The following LMTK2 variants were observed in gnomAD, a reference collection of about 807,000 sequenced individuals.
LMTK2 encodes lemur tail kinase 2, also known as serine/threonine-protein kinase LMTK2.
LMTK2 carries 37 observed loss-of-function variants against 127.5 expected under a neutral mutation model. The ratio of observed to expected loss-of-function variants is 0.29; its 90% CI spans 0.22 to 0.38. The LOEUF (loss-of-function observed/expected upper bound fraction) is 0.38. Among genes scored for constraint, LMTK2 ranks in the 10% least tolerant of loss-of-function variants. The pLI is 1.00. For synonymous variants in LMTK2, 819 were observed against 810.1 expected (o/e 1.01, Z -0.19); for missense variants, 1,694 against 1,920.3 (o/e 0.88, Z 2.20).
chr7:98,187,854 C>T (rs570654092), intron 9 of LMTK2, among the ~76,000 whole-genome samples: 48 of 152,272 alleles, frequency 3.2e-4, no homozygotes, highest in African/African-American at 1.1e-3. Flanking sequence ...GCCTCGTCCT[C>T]CCAAAGTACT....
At position 98,107,287 on chromosome 7, in the gene LMTK2, G is replaced by T. The variant is rs1023958293; in HGVS notation, c.103+7G>T. ...CTTCCGCAAACAGGTGCAGGTGAGC[G>T]GGCCCGCGGCGGGGACGGGGCTGCG... On this transcript the variant is annotated splice_region_variant and intron_variant, in intron 1 of 13. Coordinates refer to ENST00000297293, the MANE Select transcript of LMTK2 (RefSeq NM_014916.4). 5 of 1,349,888 alleles carry T rather than the reference G, an allele frequency of 3.7e-6. No homozygotes were observed. Among genetic ancestry groups the T allele is most frequent in the Middle Eastern group, 2.7e-4 (1 of 3,712 alleles). The allele number at this position is 1,349,888 out of a possible 1,614,324, so 83.6% of individuals were successfully genotyped here.
At chr7:98,199,178 G>A (rs1447297165) in intron 11 of LMTK2, among the ~76,000 whole-genome samples, 3 of 152,176 alleles carry the variant, frequency 2.0e-5, no homozygotes, top group Non-Finnish European at 4.4e-5. Context: ...CTGAAAGAGT[G>A]TGTATTTTGG....
chr7:98,139,553 C>T (rs921879094), intron 2 of LMTK2, among the ~76,000 whole-genome samples: 1 of 152,196 alleles, frequency 6.6e-6, no homozygotes, highest in Non-Finnish European at 1.5e-5. Context: ...AATCATTTTA[C>T]AGAGAGAGCC....
intron 1 of LMTK2, among the ~76,000 whole-genome samples, chr7:98,108,092 G>C (rs1393181673): frequency 1.3e-5 from 2 of 152,178 alleles, no homozygotes; most frequent in Admixed American, 1.3e-4. Context: ...CATTACCTTT[G>C]AAATGGGGAA....
intron 2 of LMTK2, among the ~76,000 whole-genome samples, chr7:98,137,830 G>A (rs1796616379): frequency 6.6e-6 from 1 of 152,214 alleles, no homozygotes; most frequent in African/African-American, 2.4e-5. Context: ...TGAATTCACT[G>A]TTGTCCGTAA....
intron 1 of LMTK2, among the ~76,000 whole-genome samples, chr7:98,113,580 G>T (rs1304950106): frequency 6.6e-6 from 1 of 152,078 alleles, no homozygotes; most frequent in African/African-American, 2.4e-5. Context: ...TTAAAATCAT[G>T]TGCTTTTATA....
chr7:98,189,441 C>T (rs1259929661), intron 9 of LMTK2, among the ~76,000 whole-genome samples: 6 of 151,992 alleles, frequency 3.9e-5, no homozygotes, highest in East Asian at 1.9e-4. Flanking sequence ...TGGGGCGTGT[C>T]GTGGAGGGTT....
At chr7:98,184,580 C>T (rs1293977439) in intron 7 of LMTK2, among the ~76,000 whole-genome samples, 13 of 152,092 alleles carry the variant, frequency 8.5e-5, no homozygotes. Flanking sequence ...CATTGTACAT[C>T]TTACATGTGT....
At chr7:98,200,744 A>G (rs1797693572) in intron 11 of LMTK2, among the ~76,000 whole-genome samples, 1 of 152,210 alleles carries the variant, frequency 6.6e-6, no homozygotes, top group Non-Finnish European at 1.5e-5. Flanking sequence ...ACTTTCAGTC[A>G]TCTCTAGATT....
At chr7:98,138,213 T>G (rs1796623239) in intron 2 of LMTK2, among the ~76,000 whole-genome samples, 1 of 152,172 alleles carries the variant, frequency 6.6e-6, no homozygotes, top group Non-Finnish European at 1.5e-5. Context: ...AAAATGGTCC[T>G]TAATGTCACT....
intron 6 of LMTK2, among the ~76,000 whole-genome samples, chr7:98,169,284 G>A (rs943804691): frequency 5.9e-5 from 9 of 152,200 alleles, no homozygotes; most frequent in Admixed American, 1.3e-4. Context: ...CTATTCTTAA[G>A]TAAAATCCCT....
chr7:98,127,247 A>T (rs1318761686), intron 1 of LMTK2, among the ~76,000 whole-genome samples: 1 of 152,170 alleles, frequency 6.6e-6, no homozygotes. Context: ...GATTCATTTT[A>T]TTAAGTCTCT....
At chr7:98,165,017 G>A (rs1797073228) in intron 6 of LMTK2, among the ~76,000 whole-genome samples, 2 of 152,196 alleles carry the variant, frequency 1.3e-5, no homozygotes, top group Admixed American at 6.5e-5. Context: ...TGTTTCTGAA[G>A]GCAGTTCGCA....
At chr7:98,110,610 G>A (rs560485724) in intron 1 of LMTK2, among the ~76,000 whole-genome samples, 2 of 152,290 alleles carry the variant, frequency 1.3e-5, no homozygotes, top group South Asian at 2.1e-4. Flanking sequence ...ACATGGATGC[G>A]CCTTTTCTAA....
chr7:98,194,798 CTGGGTCTTCT>C lies in LMTK2; in HGVS notation c.4107+227_4107+236del. Among the ~76,000 whole-genome samples, 1 of 152,204 alleles carries C rather than the reference CTGGGTCTTCT, an allele frequency of 6.6e-6. No individual in the cohort carries two copies. Among genetic ancestry groups the C allele is most frequent in the Non-Finnish European group, 1.5e-5 (1 of 68,036 alleles). On this transcript the variant is annotated intron_variant, in intron 11 of 13. Coordinates refer to ENST00000297293, the MANE Select transcript of LMTK2 (RefSeq NM_014916.4). The surrounding 1 kb of genome is among the most constrained non-coding windows in gnomAD (Gnocchi z 5.4). Reference sequence around the variant, plus strand: ...AGAGAAAGAGACCCGAATGCTCTTCCTGGGTCTTCTAATGGAGTCTTCCTGAATTAGTCAC... The same window carrying C: ...AGAGAAAGAGACCCGAATGCTCTTCCAATGGAGTCTTCCTGAATTAGTCAC...
intron 3 of LMTK2, among the ~76,000 whole-genome samples, chr7:98,150,135 C>T (rs1796831616): frequency 6.6e-6 from 1 of 151,932 alleles, no homozygotes; most frequent in Non-Finnish European, 1.5e-5. Context: ...TGGTGAAACC[C>T]TGTCTCTACT....
At chr7:98,204,384 G>T (rs186509599) in intron 13 of LMTK2, among the ~76,000 whole-genome samples, 198 bp downstream of exon 13, 1 of 152,328 alleles carries the variant, frequency 6.6e-6, no homozygotes, top group African/African-American at 2.4e-5. Flanking sequence ...CTACTCAGGA[G>T]GCTGAGGTGG....
chr7:98,204,211 T>C, intron 13 of LMTK2, 25 bp downstream of exon 13: 1 of 1,160,092 alleles, frequency 8.6e-7, no homozygotes, highest in Non-Finnish European at 1.2e-6. Context: ...GTGCTGGGGA[T>C]TGGGAGTGCA....
intron 7 of LMTK2, among the ~76,000 whole-genome samples, chr7:98,179,145 C>A (rs1198224588): frequency 6.6e-6 from 1 of 152,232 alleles, no homozygotes; most frequent in Non-Finnish European, 1.5e-5. Context: ...GAGCCAAGGA[C>A]CTTCTGCAGG....
Sources: gnomAD v4.1 joint callset for allele counts (sites outside exome capture counted in the v4.1 genomes callset) on GRCh38, gnomAD v4.1.1 for gene constraint, Gnocchi (gnomAD v3.1) non-coding constraint, MANE v1.5 for transcripts, NCBI Gene and HGNC (gene_info 2026-07-23, HGNC 2026-07-21) for gene names.